The following SUGCT variants were observed in gnomAD, a reference collection of about 807,000 sequenced individuals.
SUGCT encodes the protein succinyl-CoA:glutarate-CoA transferase, also known as succinyl-CoA:glutarate CoA-transferase.
A neutral mutation model predicts 55.0 loss-of-function variants in SUGCT; 41 were observed. The ratio of observed to expected loss-of-function variants is 0.74; its 90% confidence interval spans 0.58 to 0.97. The LOEUF (loss-of-function observed/expected upper bound fraction) is 0.97, where lower values mean the gene tolerates loss of function less well. Ranked by LOEUF, SUGCT falls within the 50% of genes least tolerant of loss-of-function variation. SUGCT has a pLI of 0.00. For synonymous variants in SUGCT, 187 were observed against 200.4 expected (o/e 0.93, Z 0.56); for missense variants, 568 against 547.8 (o/e 1.04, Z -0.37).
intron 6 of SUGCT, among the ~76,000 whole-genome samples, chr7:40,229,994 G>A (rs1014803443): frequency 6.6e-6 from 1 of 152,252 alleles, no homozygotes; most frequent in African/African-American, 2.4e-5. Flanking sequence ...GAGGTAAACA[G>A]TCTATTGTTG....
intron 13 of SUGCT, among the ~76,000 whole-genome samples, chr7:40,785,856 A>G (rs1789983691): frequency 6.6e-6 from 1 of 152,126 alleles, no homozygotes; most frequent in Admixed American, 6.6e-5. Context: ...GGAAGGCCAA[A>G]GTGGGAGGAT....
chr7:40,183,379 A>G (rs1279681787), intron 3 of SUGCT, among the ~76,000 whole-genome samples: 1 of 152,202 alleles, frequency 6.6e-6, no homozygotes, highest in Non-Finnish European at 1.5e-5. Flanking sequence ...TCCCTCTGTC[A>G]TCCAGGCTGG....
chr7:40,804,143 ACTT>A (rs971941387), intron 13 of SUGCT, among the ~76,000 whole-genome samples: 1 of 152,178 alleles, frequency 6.6e-6, no homozygotes, highest in African/African-American at 2.4e-5. Context: ...GTGTGTGTAA[ACTT>A]CTTCTTGCCT....
intron 1 of SUGCT, among the ~76,000 whole-genome samples, chr7:40,144,532 G>C (rs912844493): frequency 1.2e-4 from 18 of 152,190 alleles, no homozygotes; most frequent in African/African-American, 4.3e-4. Context: ...CCTTCCCAGG[G>C]TGGCTGGAGT....
chr7:40,767,999 C>T (rs1788889446), intron 13 of SUGCT, among the ~76,000 whole-genome samples: 1 of 152,146 alleles, frequency 6.6e-6, no homozygotes, highest in African/African-American at 2.4e-5. Context: ...CACATTTGAG[C>T]ACCATGACTG....
the SUGCT span, among the ~76,000 whole-genome samples, chr7:41,032,911 A>C: frequency 6.6e-6 from 1 of 152,110 alleles, no homozygotes; most frequent in Admixed American, 6.6e-5. Flanking sequence ...CTATAGGCAC[A>C]TGCCATCATG....
chr7:40,407,487 G>A (rs748900407), intron 9 of SUGCT, among the ~76,000 whole-genome samples: 7 of 151,542 alleles, frequency 4.6e-5, no homozygotes, highest in East Asian at 1.9e-4. Context: ...AAAGAAGTAC[G>A]TCATCATTTA....
intron 11 of SUGCT, among the ~76,000 whole-genome samples, chr7:40,490,951 C>T (rs569428487): frequency 3.3e-5 from 5 of 152,236 alleles, no homozygotes; most frequent in Middle Eastern, 3.4e-3. Flanking sequence ...CTCAAATTGT[C>T]GTCCTTCTCT....
chr7:40,986,670 A>G, the SUGCT span, among the ~76,000 whole-genome samples: 1 of 152,222 alleles, frequency 6.6e-6, no homozygotes. Context: ...TGAAGAGATA[A>G]TGGCCCAAGG....
At chr7:40,642,388 G>A (rs1800309145) in intron 12 of SUGCT, among the ~76,000 whole-genome samples, 1 of 152,154 alleles carries the variant, frequency 6.6e-6, no homozygotes, top group Admixed American at 6.5e-5. Flanking sequence ...AAATGAGTTG[G>A]TGGTCTCAGC....
At chr7:40,616,258 C>T (rs912190034) in intron 12 of SUGCT, among the ~76,000 whole-genome samples, 3 of 151,766 alleles carry the variant, frequency 2.0e-5, no homozygotes, top group East Asian at 3.9e-4. Flanking sequence ...TTTAGTGGTG[C>T]GATCTTGGCT....
chr7:40,347,892 G>C (rs1230167690), intron 9 of SUGCT, among the ~76,000 whole-genome samples: 1 of 152,176 alleles, frequency 6.6e-6, no homozygotes, highest in Non-Finnish European at 1.5e-5. Context: ...CCATAAATTA[G>C]TATGTAATTT....
At chr7:40,390,865 G>A (rs1250207999) in intron 9 of SUGCT, among the ~76,000 whole-genome samples, 3 of 152,076 alleles carry the variant, frequency 2.0e-5, no homozygotes, top group African/African-American at 7.2e-5. Flanking sequence ...GAGGCATCAC[G>A]CTACCTGACT....
chr7:40,952,005 C>G, the SUGCT span, among the ~76,000 whole-genome samples: 1 of 152,104 alleles, frequency 6.6e-6, no homozygotes, highest in African/African-American at 2.4e-5. Flanking sequence ...TCCTGGATAT[C>G]CTTGTCCATT....
intron 6 of SUGCT, among the ~76,000 whole-genome samples, chr7:40,202,932 A>C (rs1431732813): frequency 1.3e-5 from 2 of 151,478 alleles, no homozygotes; most frequent in African/African-American, 2.4e-5. Flanking sequence ...TTTATTCCGA[A>C]CTCTTAGCTC....
chr7:40,219,609 T>C (rs1271647256), intron 6 of SUGCT, among the ~76,000 whole-genome samples: 2 of 152,118 alleles, frequency 1.3e-5, no homozygotes, highest in African/African-American at 4.8e-5. Context: ...GCCATGTGAA[T>C]GGAGATTGTT....
chr7:40,857,583 G>A (rs1437639419), intron 13 of SUGCT, among the ~76,000 whole-genome samples: 1 of 152,064 alleles, frequency 6.6e-6, no homozygotes, highest in Non-Finnish European at 1.5e-5. Context: ...TACAGTGGGA[G>A]GAACACAAGT....
At chr7:40,135,167 A>C in intron 1 of SUGCT, 47 bp downstream of exon 1, 1 of 1,507,758 alleles carries the variant, frequency 6.6e-7, no homozygotes, top group Non-Finnish European at 8.9e-7. Context: ...TCCCTGCCCC[A>C]GCTTGCCTCC....
chr7:40,718,917 G>A (rs1335222096), intron 12 of SUGCT, among the ~76,000 whole-genome samples: 1 of 152,134 alleles, frequency 6.6e-6, no homozygotes, highest in African/African-American at 2.4e-5. Flanking sequence ...AAGCCAGTAT[G>A]AAAGTAGACC....
Sources: gnomAD v4.1 joint callset for allele counts (sites outside exome capture counted in the v4.1 genomes callset) on GRCh38, gnomAD v4.1.1 for gene constraint, MANE v1.5 for transcripts, NCBI Gene and HGNC (gene_info 2026-07-23, HGNC 2026-07-21) for gene names.